PRKAR1A: variants seen among roughly 807,000 people sequenced by gnomAD.
The protein encoded by PRKAR1A is cAMP-dependent protein kinase type I-alpha regulatory subunit.
PRKAR1A carries 3 observed loss-of-function variants against 52.0 expected under a neutral mutation model. The observed-to-expected ratio is 0.06, with a 90% CI of 0.03 to 0.15. PRKAR1A has a LOEUF of 0.15. Among genes scored for constraint, PRKAR1A ranks in the 10% least tolerant of loss-of-function variants. The probability of loss-of-function intolerance (pLI) is 1.00; values close to 1 mark genes in which losing one functional copy is unlikely to be tolerated. For synonymous variants in PRKAR1A, 188 were observed against 168.4 expected (o/e 1.12, Z -0.90); for missense variants, 240 against 477.4 (o/e 0.50, Z 4.63).
chr17:68,537,001 C>G (rs2086114702), downstream of PRKAR1A: 1 of 454,748 alleles, frequency 2.2e-6, no homozygotes, highest in African/African-American at 2.0e-5. This position sits in a 1 kb window ranked among gnomAD's most constrained non-coding sequence, Gnocchi z 4.2. Context: ...GTCAGAGTTA[C>G]TGTTGCCTGC....
the PRKAR1A span, among the ~76,000 whole-genome samples, chr17:68,447,143 C>T: frequency 2.0e-5 from 3 of 152,198 alleles, no homozygotes; most frequent in African/African-American, 7.2e-5. Context: ...TTTATAGCAT[C>T]TGCCCTAGAA....
At chr17:68,437,947 TTAA>T in the PRKAR1A span, among the ~76,000 whole-genome samples, 5 of 58,806 alleles carry the variant, frequency 8.5e-5, no homozygotes, top group South Asian at 6.5e-4. Context: ...GACATCTCTC[TTAA>T]AAAAAAAAAA....
At chr17:68,480,066 G>A in the PRKAR1A span, among the ~76,000 whole-genome samples, 2 of 152,164 alleles carry the variant, frequency 1.3e-5, no homozygotes, top group East Asian at 3.8e-4. Flanking sequence ...TACAACTCAA[G>A]ATGAGATTTG....
the PRKAR1A span, among the ~76,000 whole-genome samples, chr17:68,470,849 A>C: frequency 6.6e-6 from 1 of 152,186 alleles, no homozygotes; most frequent in Non-Finnish European, 1.5e-5. Flanking sequence ...CAGAAAACCA[A>C]AATAATGTAT....
chr17:68,483,592 T>C, the PRKAR1A span, among the ~76,000 whole-genome samples: 1 of 152,214 alleles, frequency 6.6e-6, no homozygotes, highest in Non-Finnish European at 1.5e-5. Context: ...CCAGGTGCGG[T>C]GGCTCATGCC....
chr17:68,523,699 T>A, intron 3 of PRKAR1A, 26 bp from the exon 4 acceptor site: 1 of 1,574,986 alleles, frequency 6.3e-7, no homozygotes, highest in Non-Finnish European at 8.7e-7. Flanking sequence ...TATGGAATTG[T>A]CATTTGACCT....
chr17:68,417,311 C>G, the PRKAR1A span, among the ~76,000 whole-genome samples: 3 of 152,242 alleles, frequency 2.0e-5, no homozygotes, highest in African/African-American at 7.2e-5. Context: ...TGAGGGCAGG[C>G]CTTGTTAAGA....
chr17:68,489,208 A>ATGGAAAG, the PRKAR1A span, among the ~76,000 whole-genome samples: 1 of 51,354 alleles, frequency 1.9e-5, no homozygotes, highest in Non-Finnish European at 3.3e-5. Flanking sequence ...ATATATATAT[A>ATGGAAAG]TATATATATA....
the PRKAR1A span, chr17:68,421,602 G>T: frequency 4.8e-6 from 4 of 832,680 alleles, no homozygotes; most frequent in South Asian, 4.6e-5. Flanking sequence ...AACCAGGGTC[G>T]TGGGAAGCTT....
At chr17:68,470,146 G>GACCTCGGCTCACTGCA in the PRKAR1A span, among the ~76,000 whole-genome samples, 1 of 150,806 alleles carries the variant, frequency 6.6e-6, no homozygotes. Context: ...GCAGTTGCGT[G>GACCTCGGCTCACTGCA]ACCTCGGCTC....
the PRKAR1A span, chr17:68,428,797 A>G: frequency 9.0e-6 from 14 of 1,554,540 alleles, no homozygotes; most frequent in Non-Finnish European, 1.2e-5. Flanking sequence ...CCAGCTCTCG[A>G]AAGGCTGTCT....
At chr17:68,455,414 G>A in the PRKAR1A span, among the ~76,000 whole-genome samples, 1 of 149,512 alleles carries the variant, frequency 6.7e-6, no homozygotes, top group Non-Finnish European at 1.5e-5. Flanking sequence ...TACCAATCAC[G>A]AAGTATGAGC....
chr17:68,472,860 A>G, the PRKAR1A span, among the ~76,000 whole-genome samples: 2 of 151,864 alleles, frequency 1.3e-5, no homozygotes, highest in African/African-American at 4.8e-5. Flanking sequence ...CACGAGAATC[A>G]CTTCAACCCG....
the PRKAR1A span, among the ~76,000 whole-genome samples, chr17:68,467,454 G>A: frequency 5.3e-5 from 8 of 152,038 alleles, no homozygotes; most frequent in East Asian, 3.9e-4. Flanking sequence ...TTTGTTTTCC[G>A]AATTACTATA....
At position 68,542,097 on chromosome 17, in the gene PRKAR1A, G is replaced by C. The variant is rs775589093; in HGVS notation, c.974-8987G>C. On this transcript the variant is annotated intron_variant, in intron 11 of 11. Transcript: ENST00000585981. ...GAGAGGGAACCCTCCAGCAGGTGTG[G>C]GTTGCCACAGACAGCATACTCCGTC... is the stretch of plus-strand genomic sequence containing the variant. 1.3e-5 allele frequency: 21 copies of C among 1,613,940 alleles called. No homozygotes were observed. The highest frequency in any genetic ancestry group is 1.7e-5 in the Admixed American group (1 of 60,012).
the PRKAR1A span, among the ~76,000 whole-genome samples, chr17:68,499,368 AAGAG>A: frequency 0.18 from 25,688 of 140,286 alleles, 2,271 homozygotes; most frequent in Admixed American, 0.2. Flanking sequence ...AAGGGAGGAA[AAGAG>A]AGAGAGAGAG....
intron 8 of PRKAR1A, 174 bp from the exon 9 acceptor site, chr17:68,528,696 A>T (rs1272852329): frequency 1.2e-6 from 1 of 804,566 alleles, no homozygotes; most frequent in South Asian, 1.7e-5. Context: ...TGCAGGCAGT[A>T]TGAGAATCCT....
At chr17:68,490,899 C>G in the PRKAR1A span, among the ~76,000 whole-genome samples, 1 of 151,930 alleles carries the variant, frequency 6.6e-6, no homozygotes, top group Non-Finnish European at 1.5e-5. Flanking sequence ...CCTTGAGGTT[C>G]TAGAGTGAAC....
At chr17:68,457,041 T>A in the PRKAR1A span, among the ~76,000 whole-genome samples, 1 of 152,112 alleles carries the variant, frequency 6.6e-6, no homozygotes, top group Non-Finnish European at 1.5e-5. Context: ...CCCACCGCCC[T>A]GCTCCCCCCA....
Sources: allele counts gnomAD v4.1 joint callset (sites outside exome capture counted in the v4.1 genomes callset), GRCh38; gene constraint gnomAD v4.1.1; non-coding constraint Gnocchi (gnomAD v3.1); transcripts MANE v1.5; gene names NCBI Gene and HGNC (gene_info 2026-07-23, HGNC 2026-07-21).